The following CHUK variants were observed in gnomAD, a reference collection of about 807,000 sequenced individuals.
CHUK encodes the protein inhibitor of nuclear factor kappa-B kinase subunit alpha.
A neutral mutation model predicts 104.8 loss-of-function variants in CHUK; 35 were observed. That is an observed-to-expected ratio of 0.33 (90% CI 0.26 to 0.44). The LOEUF is 0.44. Among genes scored for constraint, CHUK ranks in the 20% least tolerant of loss-of-function variants. The pLI, the probability that CHUK is intolerant of heterozygous loss-of-function variation, is 1.00. For missense variants in CHUK, 663 were observed against 902.7 expected (o/e 0.73, Z 3.40); for synonymous variants, 276 against 291.9 (o/e 0.95, Z 0.56).
In CHUK at chr10:100,188,813, T is replaced by C. The variant is rs533461163; in HGVS notation, c.*785A>G. The C allele has an allele frequency of 2.0e-5, 3 of 152,284 alleles. No individual in the cohort carries two copies. Among genetic ancestry groups the C allele is most frequent in the African/African-American group, 7.2e-5 (3 of 41,562 alleles). The allele number at this position is 152,284 out of a possible 1,614,324, so 9.4% of individuals were successfully genotyped here. Reference sequence around the variant, plus strand: ...CTTTATAAATTTGTATGACAAGACATGAAAGATTGTTTAAACAAATGACTC... The same window carrying C: ...CTTTATAAATTTGTATGACAAGACACGAAAGATTGTTTAAACAAATGACTC... On this transcript the variant is annotated 3_prime_UTR_variant, in exon 21 of 21. Transcript: ENST00000370397.
intron 9 of CHUK, among the ~76,000 whole-genome samples, chr10:100,213,522 TTTTG>T (rs1017930554): frequency 1.2e-4 from 18 of 151,828 alleles, no homozygotes; most frequent in Non-Finnish European, 2.1e-4. Context: ...GTATTAACAA[TTTTG>T]TTTGTTTGTT....
intron 9 of CHUK, among the ~76,000 whole-genome samples, chr10:100,213,585 G>A (rs367959762): frequency 9.2e-5 from 14 of 152,006 alleles, no homozygotes; most frequent in Admixed American, 2.6e-4. Flanking sequence ...GCAGTGGTGC[G>A]ATCTTGGTTC....
At chr10:100,194,362 C>T in intron 17 of CHUK, 63 bp downstream of exon 17, 1 of 1,293,562 alleles carries the variant, frequency 7.7e-7, no homozygotes. Flanking sequence ...GGCTTTTGTA[C>T]TTTGAGAGGA....
chr10:100,189,463 A>G lies in CHUK; in HGVS notation c.*135T>C. ...AAAATCATGTTCTTCTGATCATAGT[A>G]GAAATGTAGTTTCTGTTCATAGCCA... On this transcript the variant is annotated 3_prime_UTR_variant, in exon 21 of 21. Transcript: ENST00000370397. The G allele has an allele frequency of 2.7e-6, 2 of 751,104 alleles. No homozygotes were observed. The highest frequency in any genetic ancestry group is 4.9e-6 in the Non-Finnish European group (2 of 408,814). The allele number at this position is 751,104 out of a possible 1,614,324, so 46.5% of individuals were successfully genotyped here. A position where few individuals can be genotyped will look rare whatever the true frequency, so the allele number is the denominator to read the frequency against.
chr10:100,215,097 C>T lies in CHUK; in HGVS notation c.933+2898G>A, dbSNP rs750620176. On this transcript the variant is annotated intron_variant, in intron 9 of 20. Coordinates refer to ENST00000370397, the MANE Select transcript of CHUK (RefSeq NM_001278.5). ...CAAAAATATAAAAATTAGCTGGACA[C>T]GGTGGCAGGCACCTGTAATCCCAGC... Among the ~76,000 whole-genome samples the T allele has an allele frequency of 4.0e-5, 6 of 151,018 alleles. No homozygotes were observed. The East Asian group carries it at 5.8e-4, about 15-fold the overall frequency.
At chr10:100,222,238 G>T in intron 3 of CHUK, 57 bp from the exon 4 acceptor site, 4 of 850,334 alleles carry the variant, frequency 4.7e-6, no homozygotes, top group South Asian at 4.1e-5. Context: ...CTGCAATAGT[G>T]ACCACACATT....
downstream of CHUK, chr10:100,186,434 A>G (rs1844999536): frequency 5.7e-6 from 1 of 174,976 alleles, no homozygotes; most frequent in Non-Finnish European, 1.2e-5. Flanking sequence ...ACTTGTTGCA[A>G]ATAAAGTGCT....
At chr10:100,214,362 C>T (rs563281380) in intron 9 of CHUK, among the ~76,000 whole-genome samples, 71 of 152,116 alleles carry the variant, frequency 4.7e-4, no homozygotes, top group African/African-American at 1.6e-3. Flanking sequence ...TATAGTCAAA[C>T]AGAAGATATT....
At chr10:100,220,501 A>C in intron 5 of CHUK, 87 bp downstream of exon 5, 1 of 918,692 alleles carries the variant, frequency 1.1e-6, no homozygotes, top group South Asian at 1.3e-5. Flanking sequence ...TTATGGGCAT[A>C]CAGCAAAGAC....
At chr10:100,187,952 G>GT (rs1845103255), downstream of CHUK, 3 of 152,090 alleles carry the variant, frequency 2.0e-5, no homozygotes, top group African/African-American at 7.2e-5. Flanking sequence ...TACCCTCCAA[G>GT]TAACAGGTAC....
chr10:100,194,208 G>A, intron 17 of CHUK, 77 bp from the exon 18 acceptor site: 1 of 1,477,954 alleles, frequency 6.8e-7, no homozygotes, highest in Non-Finnish European at 9.4e-7. Context: ...CCCAGCTGAG[G>A]AAATGAACCA....
intron 16 of CHUK, 148 bp downstream of exon 16, chr10:100,199,823 T>A: frequency 1.4e-6 from 1 of 690,858 alleles, no homozygotes. Flanking sequence ...AAGCTTATTA[T>A]ACCATGTCTC....
intron 16 of CHUK, among the ~76,000 whole-genome samples, chr10:100,198,934 AAT>A (rs1845399220): frequency 6.6e-6 from 1 of 152,234 alleles, no homozygotes; most frequent in Admixed American, 6.5e-5. Context: ...GCAAGTACAT[AAT>A]AGTTTATAGT....
At chr10:100,189,666 C>A (rs776032965) in intron 20 of CHUK, 39 bp from the exon 21 acceptor site, 2 of 1,523,962 alleles carry the variant, frequency 1.3e-6, no homozygotes, top group Non-Finnish European at 1.8e-6. Context: ...TAGATGTTGA[C>A]TATAAGTTAT....
At chr10:100,190,592 C>G in intron 20 of CHUK, 1 of 455,386 alleles carries the variant, frequency 2.2e-6, no homozygotes, top group Middle Eastern at 6.5e-4. Flanking sequence ...CAGAACAAAC[C>G]ATTCAATTTC....
rs142525216 is a variant in CHUK at position 100,222,247 on chromosome 10, TTA to T, written c.316-68_316-67del. The T allele has an allele frequency of 1.7e-4, 133 of 776,480 alleles. 1 individual carries two copies. In the African/African-American group the frequency reaches 2.0e-3, roughly 11 times the overall value. 48.1% of individuals were successfully genotyped at this position (776,480 alleles called of 1,614,324 possible). A position where few individuals can be genotyped will look rare whatever the true frequency, so the allele number is the denominator to read the frequency against. On this transcript the variant is annotated intron_variant, in intron 3 of 20. Transcript: ENST00000370397. ...GCTGGGCTGCAATAGTGACCACACA[TTA>T]ATTACTATACTCTAAAAGAATATTC... is the stretch of plus-strand genomic sequence containing the variant.
chr10:100,207,696 T>C (rs756626837), intron 10 of CHUK, among the ~76,000 whole-genome samples: 1 of 152,244 alleles, frequency 6.6e-6, no homozygotes, highest in Admixed American at 6.5e-5. Flanking sequence ...ATTACATAAT[T>C]CCATTTATAT....
At chr10:100,228,620 A>G (rs17883062) in intron 1 of CHUK, among the ~76,000 whole-genome samples, 11,602 of 152,254 alleles carry the variant, frequency 0.076, 789 homozygotes, top group African/African-American at 0.18. Context: ...CGCGCCCTGC[A>G]TTCCAGCCTG....
At chr10:100,190,812 TAAA>T in intron 20 of CHUK, 54 bp downstream of exon 20, 1 of 974,810 alleles carries the variant, frequency 1.0e-6, no homozygotes. Flanking sequence ...CATGGAAAGT[TAAA>T]CCTTTTGCAC....
Sources: allele counts gnomAD v4.1 joint callset (sites outside exome capture counted in the v4.1 genomes callset), GRCh38; gene constraint gnomAD v4.1.1; transcripts MANE v1.5; gene names NCBI Gene and HGNC (gene_info 2026-07-23, HGNC 2026-07-21).